PPFIA2: variants seen among roughly 807,000 people sequenced by gnomAD.
PPFIA2 encodes the protein liprin-alpha-2.
A neutral mutation model predicts 175.5 loss-of-function variants in PPFIA2; 46 were observed. That is an observed-to-expected ratio of 0.26 (90% CI 0.21 to 0.34). PPFIA2 has a LOEUF of 0.34. Among genes scored for constraint, PPFIA2 ranks in the 10% least tolerant of loss-of-function variants. PPFIA2 has a pLI of 1.00. For synonymous variants in PPFIA2, 568 were observed against 511.4 expected, an observed-to-expected ratio of 1.11 and a Z score of -1.49; for missense variants, 1,179 against 1,506.1, an observed-to-expected ratio of 0.78 and a Z score of 3.60.
intron 21 of PPFIA2, among the ~76,000 whole-genome samples, chr12:81,337,400 G>A (rs1194873629): frequency 2.6e-5 from 4 of 152,052 alleles, no homozygotes; most frequent in African/African-American, 9.7e-5. Flanking sequence ...TTCTGACTTT[G>A]GTGGGGTTGA....
chr12:81,626,285 A>G (rs1164391400), intron 4 of PPFIA2, among the ~76,000 whole-genome samples: 1 of 151,742 alleles, frequency 6.6e-6, no homozygotes, highest in Non-Finnish European at 1.5e-5. Flanking sequence ...AAAATAAACT[A>G]TTTTCAAGCT....
intron 17 of PPFIA2, among the ~76,000 whole-genome samples, chr12:81,348,852 A>T (rs1202283932): frequency 6.6e-6 from 1 of 152,178 alleles, no homozygotes; most frequent in Non-Finnish European, 1.5e-5. Context: ...TTATAATGAA[A>T]CTGTGTACCA....
chr12:81,367,664 A>G (rs1263221316), intron 13 of PPFIA2, among the ~76,000 whole-genome samples: 1 of 151,674 alleles, frequency 6.6e-6, no homozygotes, highest in African/African-American at 2.4e-5. Context: ...TTAAATTATT[A>G]GAGAAATAAC....
chr12:81,391,234 G>A (rs2040051073), intron 8 of PPFIA2, among the ~76,000 whole-genome samples: 2 of 151,838 alleles, frequency 1.3e-5, no homozygotes, highest in Non-Finnish European at 2.9e-5. Context: ...CTTCAAAGAT[G>A]AGTTATTATA....
intron 9 of PPFIA2, among the ~76,000 whole-genome samples, chr12:81,377,015 A>T (rs1390559533): frequency 6.6e-6 from 1 of 152,106 alleles, no homozygotes; most frequent in Non-Finnish European, 1.5e-5. Context: ...AAAGTAAAAT[A>T]AGAAATAAAA....
chr12:81,299,573 C>T (rs2138251384), intron 22 of PPFIA2, among the ~76,000 whole-genome samples, 191 bp from the exon 23 acceptor site: 1 of 152,134 alleles, frequency 6.6e-6, no homozygotes, highest in South Asian at 2.1e-4. Flanking sequence ...ACGAATGAAG[C>T]ATTGACATAG....
intron 3 of PPFIA2, among the ~76,000 whole-genome samples, chr12:81,749,275 C>A (rs2083442325): frequency 7.0e-6 from 1 of 143,776 alleles, no homozygotes; most frequent in Non-Finnish European, 1.6e-5. Context: ...TTCAGTACTT[C>A]TATAATCTTC....
intron 22 of PPFIA2, chr12:81,302,066 A>G (rs2047982756): frequency 3.3e-6 from 1 of 299,446 alleles, no homozygotes; most frequent in South Asian, 2.8e-5. Context: ...TGCTAAATAA[A>G]TACGTGTAAA....
chr12:81,753,908 A>T, intron 3 of PPFIA2, 65 bp downstream of exon 3: 1 of 1,564,802 alleles, frequency 6.4e-7, no homozygotes, highest in Non-Finnish European at 8.7e-7. Flanking sequence ...TAAGAATGGG[A>T]GTAAAGTGAA....
intron 3 of PPFIA2, among the ~76,000 whole-genome samples, chr12:81,735,507 T>C (rs1446941553): frequency 6.6e-6 from 1 of 151,840 alleles, no homozygotes; most frequent in Non-Finnish European, 1.5e-5. Context: ...TTAACAGAGA[T>C]ATGTTTTGAA....
intron 3 of PPFIA2, among the ~76,000 whole-genome samples, chr12:81,732,471 C>T (rs2081033734): frequency 6.7e-6 from 1 of 148,222 alleles, no homozygotes; most frequent in Non-Finnish European, 1.5e-5. Flanking sequence ...TGATTACTTT[C>T]CTGATTATAC....
intron 4 of PPFIA2, among the ~76,000 whole-genome samples, chr12:81,479,689 A>G (rs982538074): frequency 3.9e-5 from 6 of 152,196 alleles, no homozygotes; most frequent in African/African-American, 1.4e-4. Flanking sequence ...TATGAAGCTT[A>G]GTTTGACTGA....
At chr12:81,686,240 C>T (rs930610520) in intron 3 of PPFIA2, among the ~76,000 whole-genome samples, 3 of 151,972 alleles carry the variant, frequency 2.0e-5, no homozygotes, top group African/African-American at 4.8e-5. Flanking sequence ...GGATGATTAT[C>T]CTTGATTGAC....
chr12:81,661,109 A>G (rs942250258), intron 4 of PPFIA2, among the ~76,000 whole-genome samples: 2 of 152,232 alleles, frequency 1.3e-5, no homozygotes, highest in Admixed American at 1.3e-4. Flanking sequence ...AATTGTAAAG[A>G]CCATCGAGGC....
At chr12:81,477,816 T>G (rs911850402) in intron 4 of PPFIA2, among the ~76,000 whole-genome samples, 1 of 152,172 alleles carries the variant, frequency 6.6e-6, no homozygotes, top group Non-Finnish European at 1.5e-5. Context: ...AGTATTTTAT[T>G]GAGGATTTTC....
In PPFIA2 at chr12:81,268,807, A is replaced by C. The variant is rs1245831966; in HGVS notation, c.3311-720T>G. ...AGACGAGATTGTAATACTGTCTTTCATCAGAAGTGTTTGTTAACCACTACC... is the reference window on the plus strand; with the variant it reads ...AGACGAGATTGTAATACTGTCTTTCCTCAGAAGTGTTTGTTAACCACTACC... On this transcript the variant is annotated intron_variant, in intron 28 of 32. Transcript: ENST00000549396. Among the ~76,000 whole-genome samples the C allele has an allele frequency of 3.9e-4, 60 of 152,242 alleles. 1 individual carries two copies. Among genetic ancestry groups the C allele is most frequent in the Admixed American group, 3.9e-3 (60 of 15,286 alleles).
chr12:81,491,099 C>T (rs1398042381), intron 4 of PPFIA2, among the ~76,000 whole-genome samples: 2 of 151,886 alleles, frequency 1.3e-5, no homozygotes, highest in Non-Finnish European at 2.9e-5. Context: ...TAAGGCTTCC[C>T]TTTTCACCCA....
intron 6 of PPFIA2, among the ~76,000 whole-genome samples, chr12:81,441,685 A>C (rs1233861882): frequency 6.6e-6 from 1 of 152,158 alleles, no homozygotes; most frequent in Middle Eastern, 3.2e-3. Flanking sequence ...GAAAATGAGC[A>C]GGACAGCTGA....
At chr12:81,443,481 C>A (rs2050611405) in intron 6 of PPFIA2, among the ~76,000 whole-genome samples, 1 of 152,134 alleles carries the variant, frequency 6.6e-6, no homozygotes, top group Non-Finnish European at 1.5e-5. Context: ...GCTAAACCCA[C>A]TGAACTTCTA....
Sources: gnomAD v4.1 joint callset for allele counts (sites outside exome capture counted in the v4.1 genomes callset) on GRCh38, gnomAD v4.1.1 for gene constraint, MANE v1.5 for transcripts, NCBI Gene and HGNC (gene_info 2026-07-23, HGNC 2026-07-21) for gene names.